PCDH15: variants seen among roughly 807,000 people sequenced by gnomAD.
The protein encoded by PCDH15 is protocadherin related 15.
In PCDH15, 129 loss-of-function variants were observed where a neutral mutation model predicts 178.5. The ratio of observed to expected loss-of-function variants is 0.72; its 90% CI spans 0.63 to 0.84. The LOEUF (loss-of-function observed/expected upper bound fraction) is 0.84, where lower values mean the gene tolerates loss of function less well. Ranked by LOEUF, PCDH15 falls within the 40% of genes least tolerant of loss-of-function variation. The pLI is 0.00. For missense variants in PCDH15, 2,230 were observed against 2,099.9 expected, an observed-to-expected ratio of 1.06 and a Z score of -1.21; for synonymous variants, 800 against 732.0, an observed-to-expected ratio of 1.09 and a Z score of -1.50.
intron 9 of PCDH15, among the ~76,000 whole-genome samples, chr10:54,232,447 A>G (rs77644293): frequency 0.055 from 8,310 of 152,314 alleles, 561 homozygotes; most frequent in African/African-American, 0.17. Flanking sequence ...GTGCAAGAAC[A>G]GACTAACACA....
At chr10:54,224,624 A>G (rs959112574) in intron 9 of PCDH15, among the ~76,000 whole-genome samples, 1 of 152,024 alleles carries the variant, frequency 6.6e-6, no homozygotes, top group South Asian at 2.1e-4. Flanking sequence ...ACATAACTAA[A>G]ATTTTGTTGA....
chr10:55,349,956 A>C (rs78414650), intron 2 of PCDH15, among the ~76,000 whole-genome samples: 1,903 of 151,852 alleles, frequency 0.013, 32 homozygotes, highest in African/African-American at 0.044. Context: ...TTGGTATAAT[A>C]ATCCATTCCA....
intron 2 of PCDH15, among the ~76,000 whole-genome samples, chr10:55,051,014 C>T (rs1841148097): frequency 6.6e-6 from 1 of 152,022 alleles, no homozygotes; most frequent in Admixed American, 6.6e-5. Context: ...GAATTTCATG[C>T]CATGTAACTA....
intron 2 of PCDH15, among the ~76,000 whole-genome samples, chr10:54,993,638 C>T (rs186791275): frequency 5.3e-5 from 8 of 152,008 alleles, no homozygotes; most frequent in Non-Finnish European, 1.2e-4. Context: ...AGTAGTAATA[C>T]GCAACACACA....
intron 28 of PCDH15, among the ~76,000 whole-genome samples, chr10:53,848,814 C>G (rs1042495353): frequency 6.6e-6 from 1 of 151,920 alleles, no homozygotes; most frequent in Non-Finnish European, 1.5e-5. Flanking sequence ...TTTAATGTAT[C>G]TTTCGATCAT....
At chr10:55,126,568 C>A (rs772255721) in intron 2 of PCDH15, among the ~76,000 whole-genome samples, 1 of 151,916 alleles carries the variant, frequency 6.6e-6, no homozygotes, top group African/African-American at 2.4e-5. Context: ...GATAGGATTG[C>A]AGACAGTTGA....
chr10:55,122,216 G>A (rs1294775102), intron 2 of PCDH15, among the ~76,000 whole-genome samples: 1 of 152,144 alleles, frequency 6.6e-6, no homozygotes, highest in African/African-American at 2.4e-5. Context: ...ATATGGTCAT[G>A]GGATTTTCTT....
rs1317460856 is a variant in PCDH15 at position 54,067,065 on chromosome 10, G to A, written c.2092-180C>T. ...TTAAAAAAAAGAAGCTTGCAAAGAA[G>A]CTTCCCACCTCAAAAAACAGATGGG... On this transcript the variant is annotated intron_variant, in intron 17 of 37. Coordinates refer to ENST00000644397, the MANE Select transcript of PCDH15 (RefSeq NM_001384140.1). 4.6e-5 allele frequency among the ~76,000 whole-genome samples: 7 copies of A among 152,032 alleles called. No individual in the cohort carries two copies. In the East Asian group the frequency reaches 1.2e-3, roughly 25 times the overall value.
intron 13 of PCDH15, among the ~76,000 whole-genome samples, chr10:54,174,728 C>CAA (rs2047273675): frequency 1.6e-5 from 1 of 61,200 alleles, no homozygotes; most frequent in Non-Finnish European, 3.4e-5. Context: ...TTTTTTGAGA[C>CAA]AGAGTCTCGT....
intron 15 of PCDH15, among the ~76,000 whole-genome samples, chr10:54,105,324 A>ACT: frequency 9.1e-6 from 1 of 110,250 alleles, no homozygotes; most frequent in African/African-American, 3.1e-5. Flanking sequence ...ATATACACAC[A>ACT]CACATACATA....
intron 1 of PCDH15, among the ~76,000 whole-genome samples, chr10:55,216,254 A>G (rs183043563): frequency 3.9e-5 from 6 of 152,120 alleles, no homozygotes; most frequent in Admixed American, 2.0e-4. Flanking sequence ...TGGGTCTGAA[A>G]TAACTAAATG....
chr10:55,597,520 A>C (rs1187497464), intron 2 of PCDH15, among the ~76,000 whole-genome samples: 1 of 152,144 alleles, frequency 6.6e-6, no homozygotes. Context: ...AAAAAATCCC[A>C]ATATTCTCCA....
At chr10:54,353,690 T>C (rs1348698077) in intron 5 of PCDH15, among the ~76,000 whole-genome samples, 1 of 152,066 alleles carries the variant, frequency 6.6e-6, no homozygotes, top group Non-Finnish European at 1.5e-5. Context: ...TTTTATTCTG[T>C]TTCATTAATG....
In PCDH15 at chr10:54,914,070, A is replaced by G. The variant is rs138986737; in HGVS notation, c.-79-16570T>C. On this transcript the variant is annotated intron_variant, in intron 2 of 5. Coordinates refer to the PCDH15 transcript ENST00000458638. Reference sequence around the variant, plus strand: ...TTTAAGATTTTCAGGGACTGTTTGAAAGGCATAATTGTGTTTTGAAATGTG... The same window carrying G: ...TTTAAGATTTTCAGGGACTGTTTGAGAGGCATAATTGTGTTTTGAAATGTG... Among the ~76,000 whole-genome samples, 1,335 of 152,230 alleles carry G rather than the reference A, an allele frequency of 8.8e-3. 16 individuals are homozygous for G. The highest frequency in any genetic ancestry group is 0.03 in the African/African-American group (1,244 of 41,532).
chr10:54,536,284 T>A (rs2084509714), intron 2 of PCDH15, among the ~76,000 whole-genome samples: 7 of 152,188 alleles, frequency 4.6e-5, no homozygotes, highest in Admixed American at 4.6e-4. Context: ...GTCTGGCATA[T>A]GGAAATGCTT....
intron 16 of PCDH15, among the ~76,000 whole-genome samples, chr10:54,088,752 C>T (rs539646688): frequency 1.3e-5 from 2 of 152,184 alleles, no homozygotes; most frequent in African/African-American, 2.4e-5. Context: ...GAAATTCATT[C>T]TCTTGCATAT....
At chr10:54,341,235 T>C (rs1435148062) in intron 6 of PCDH15, among the ~76,000 whole-genome samples, 2 of 152,118 alleles carry the variant, frequency 1.3e-5, no homozygotes, top group Admixed American at 6.5e-5. Flanking sequence ...CAATGTCAAA[T>C]TGTAATCCCC....
intron 3 of PCDH15, among the ~76,000 whole-genome samples, chr10:54,825,036 A>C (rs981166992): frequency 3.3e-5 from 5 of 151,406 alleles, no homozygotes; most frequent in African/African-American, 4.9e-5. Context: ...CTCCCACCCC[A>C]CAACAGTCTC....
At chr10:54,492,308 C>T (rs985841353) in intron 3 of PCDH15, among the ~76,000 whole-genome samples, 3 of 152,158 alleles carry the variant, frequency 2.0e-5, no homozygotes, top group Admixed American at 6.6e-5. Context: ...GAGTCAAAGA[C>T]GCTCAGCTGT....
Sources: gnomAD v4.1 joint callset for allele counts (sites outside exome capture counted in the v4.1 genomes callset) on GRCh38, gnomAD v4.1.1 for gene constraint, MANE v1.5 for transcripts, NCBI Gene and HGNC (gene_info 2026-07-23, HGNC 2026-07-21) for gene names.